The following KCNIP1 variants were observed in gnomAD, a reference collection of about 807,000 sequenced individuals.
KCNIP1 encodes the protein A-type potassium channel modulatory protein KCNIP1.
A neutral mutation model predicts 33.0 loss-of-function variants in KCNIP1; 18 were observed. The ratio of observed to expected loss-of-function variants is 0.55; its 90% CI spans 0.38 to 0.81. KCNIP1 has a LOEUF of 0.81. Among genes scored for constraint, KCNIP1 ranks in the 30% least tolerant of loss-of-function variants. The pLI, the probability that KCNIP1 is intolerant of heterozygous loss-of-function variation, is 0.00. For synonymous variants in KCNIP1, 93 were observed against 98.3 expected, an observed-to-expected ratio of 0.95 and a Z score of 0.32; for missense variants, 238 against 271.6, an observed-to-expected ratio of 0.88 and a Z score of 0.87.
In KCNIP1 at chr5:170,453,180, T is replaced by C. The variant is rs527631888; in HGVS notation, c.88+99216T>C. On this transcript the variant is annotated intron_variant, in intron 1 of 7. Transcript: ENST00000377360. ...CTTGAAAGAACATTAGAAATGATCA[T>C]TCCTGAAGGAGCATTTGCTCTCAAA... Among the ~76,000 whole-genome samples, 6 of 152,348 alleles carry C rather than the reference T, an allele frequency of 3.9e-5. No homozygotes were observed. The East Asian group carries it at 7.7e-4, about 20-fold the overall frequency.
intron 1 of KCNIP1, among the ~76,000 whole-genome samples, chr5:170,629,673 G>C (rs572402221): frequency 2.6e-5 from 4 of 152,170 alleles, no homozygotes; most frequent in African/African-American, 7.2e-5. Flanking sequence ...CAGCATTCAG[G>C]CCTGGCCCTG....
At chr5:170,451,377 TCC>T (rs1403617879) in intron 1 of KCNIP1, among the ~76,000 whole-genome samples, 2 of 152,058 alleles carry the variant, frequency 1.3e-5, no homozygotes, top group Non-Finnish European at 2.9e-5. Context: ...AATTGAACCC[TCC>T]CTAGTCACTT....
chr5:170,525,113 C>T (rs1301314036), intron 1 of KCNIP1, among the ~76,000 whole-genome samples: 4 of 152,204 alleles, frequency 2.6e-5, no homozygotes, highest in East Asian at 1.9e-4. Context: ...TGGGTGCCTG[C>T]TCTGAGACCA....
chr5:170,688,634 A>C, intron 1 of KCNIP1, among the ~76,000 whole-genome samples: 1 of 152,174 alleles, frequency 6.6e-6, no homozygotes, highest in Non-Finnish European at 1.5e-5. Context: ...GGACTAAGCC[A>C]TGTCACCCCT....
At chr5:170,442,134 A>G (rs1160067392) in intron 1 of KCNIP1, among the ~76,000 whole-genome samples, 1 of 152,076 alleles carries the variant, frequency 6.6e-6, no homozygotes, top group African/African-American at 2.4e-5. Context: ...CATGTGCAGT[A>G]CTTAAGACGG....
chr5:170,357,576 G>A (rs985435410), intron 1 of KCNIP1, among the ~76,000 whole-genome samples: 4 of 152,128 alleles, frequency 2.6e-5, no homozygotes, highest in African/African-American at 9.7e-5. Context: ...TGTTCCCCAG[G>A]CTGAGTGCAG....
intron 1 of KCNIP1, among the ~76,000 whole-genome samples, chr5:170,628,779 TG>T (rs1759937952): frequency 6.6e-6 from 1 of 152,234 alleles, no homozygotes; most frequent in Non-Finnish European, 1.5e-5. Context: ...GCAGGGGAGC[TG>T]CTGCACTCGA....
chr5:170,589,809 G>A (rs1376593470), intron 1 of KCNIP1, among the ~76,000 whole-genome samples: 4 of 151,574 alleles, frequency 2.6e-5, no homozygotes, highest in African/African-American at 4.8e-5. Flanking sequence ...GGTGCGGTGC[G>A]GTGCGGTGTG....
rs1228539956 is a variant in KCNIP1, at chr5:170,423,589, G to T, written c.88+69625G>T. 2.0e-5 allele frequency among the ~76,000 whole-genome samples: 3 copies of T among 152,084 alleles called. No homozygotes were observed. In the South Asian group the frequency reaches 6.2e-4, roughly 31 times the overall value. The stretch of plus-strand genomic sequence containing the variant: ...AAAACAAAACCAAAAACCCCACTTG[G>T]CCCAGAAGAGCAAAGATTAAAAGCC... On this transcript the variant is annotated intron_variant, in intron 1 of 7. Transcript: ENST00000377360.
At chr5:170,652,759 A>G (rs1761098579) in intron 1 of KCNIP1, among the ~76,000 whole-genome samples, 1 of 152,178 alleles carries the variant, frequency 6.6e-6, no homozygotes, top group African/African-American at 2.4e-5. Context: ...TGCCTATAGT[A>G]TGTCAGGCAT....
chr5:170,386,036 G>C (rs538333825), intron 1 of KCNIP1, among the ~76,000 whole-genome samples: 5 of 151,692 alleles, frequency 3.3e-5, no homozygotes, highest in African/African-American at 1.2e-4. Context: ...TGAGGCAGGA[G>C]AATGGCATGA....
chr5:170,686,854 T>C (rs145770471), intron 1 of KCNIP1, among the ~76,000 whole-genome samples: 10 of 152,256 alleles, frequency 6.6e-5, no homozygotes, highest in African/African-American at 2.4e-4. Flanking sequence ...TTTATTTCCC[T>C]CAAGGCAATA....
chr5:170,415,384 G>T (rs1054269767), intron 1 of KCNIP1, among the ~76,000 whole-genome samples: 1 of 152,068 alleles, frequency 6.6e-6, no homozygotes, highest in East Asian at 1.9e-4. Context: ...GCTGTGGGGG[G>T]ACTCTCCTGT....
At chr5:170,623,845 G>A (rs1007872832) in intron 1 of KCNIP1, among the ~76,000 whole-genome samples, 2 of 152,114 alleles carry the variant, frequency 1.3e-5, no homozygotes, top group Non-Finnish European at 2.9e-5. Context: ...GTCTTACATT[G>A]GGGGCCCTGA....
At chr5:170,582,163 C>G (rs1176435949) in intron 1 of KCNIP1, among the ~76,000 whole-genome samples, 3 of 152,236 alleles carry the variant, frequency 2.0e-5, no homozygotes, top group Non-Finnish European at 4.4e-5. Flanking sequence ...AATATCCAAA[C>G]TATAGCACCC....
At chr5:170,360,089 T>C (rs1484148454) in intron 1 of KCNIP1, among the ~76,000 whole-genome samples, 2 of 152,228 alleles carry the variant, frequency 1.3e-5, no homozygotes, top group African/African-American at 4.8e-5. Flanking sequence ...GAGAAGTGGA[T>C]CTAGTCAGGT....
intron 1 of KCNIP1, among the ~76,000 whole-genome samples, chr5:170,603,073 A>G (rs1366922938): frequency 6.6e-6 from 1 of 151,920 alleles, no homozygotes; most frequent in African/African-American, 2.4e-5. Context: ...ACAGCAGGGC[A>G]GGGGGCGAAG....
chr5:170,449,521 C>T (rs1366398859), intron 1 of KCNIP1, among the ~76,000 whole-genome samples: 6 of 152,200 alleles, frequency 3.9e-5, no homozygotes, highest in Non-Finnish European at 5.9e-5. Context: ...TGAACTCCTG[C>T]CCCACTTAGC....
At chr5:170,596,993 GGTGA>G (rs1345979286) in intron 1 of KCNIP1, among the ~76,000 whole-genome samples, 2 of 152,332 alleles carry the variant, frequency 1.3e-5, no homozygotes, top group African/African-American at 4.8e-5. Flanking sequence ...TTATGCTGTA[GGTGA>G]GTTTTACCTT....
Sources: gnomAD v4.1 joint callset for allele counts (sites outside exome capture counted in the v4.1 genomes callset) on GRCh38, gnomAD v4.1.1 for gene constraint, MANE v1.5 for transcripts, NCBI Gene and HGNC (gene_info 2026-07-23, HGNC 2026-07-21) for gene names.